Variants in LRRC42 observed in about 807,000 individuals in gnomAD.
LRRC42 encodes leucine rich repeat containing 42, also known as leucine-rich repeat-containing protein 42.
Under a neutral mutation model 44.3 loss-of-function variants are expected in LRRC42, and 43 were observed. That is an observed-to-expected ratio of 0.97 (90% confidence interval 0.76 to 1.25). The LOEUF (loss-of-function observed/expected upper bound fraction) is 1.25, where lower values mean the gene tolerates loss of function less well. Ranked by LOEUF, LRRC42 falls within the 50% of genes most tolerant of loss-of-function variation. The probability of loss-of-function intolerance (pLI) is 0.00; values close to 1 mark genes in which losing one functional copy is unlikely to be tolerated. For missense variants in LRRC42, 540 were observed against 509.1 expected, an observed-to-expected ratio of 1.06 and a Z score of -0.58; for synonymous variants, 207 against 195.2, an observed-to-expected ratio of 1.06 and a Z score of -0.50.
chr1:53,962,390 C>CAG lies in LRRC42; in HGVS notation c.911_912dup (p.Gly305ArgfsTer14). ...GAATTTGATCATAGTAACTGCAAGA[C>CAG]AGAGGGCTGGGCTGACCAGGTACTC... On this transcript the variant is annotated frameshift_variant, in exon 7 of 9. Coordinates refer to ENST00000371370, the MANE Select transcript of LRRC42 (RefSeq NM_001256409.2). LOFTEE classifies it high-confidence loss of function. The CAG allele has an allele frequency of 6.2e-7, 1 of 1,612,862 alleles. No individual in the cohort carries two copies. The highest frequency in any genetic ancestry group is 8.5e-7 in the Non-Finnish European group (1 of 1,178,808).
chr1:53,963,707 C>T (rs1294829036), intron 7 of LRRC42, among the ~76,000 whole-genome samples: 1 of 152,166 alleles, frequency 6.6e-6, no homozygotes, highest in African/African-American at 2.4e-5. Flanking sequence ...GAAACTGTTT[C>T]AGGCTGATTC....
chr1:53,957,539 G>A (rs1654873143), intron 3 of LRRC42, among the ~76,000 whole-genome samples: 1 of 152,210 alleles, frequency 6.6e-6, no homozygotes, highest in Non-Finnish European at 1.5e-5. Context: ...CGTGCTCAGG[G>A]TTTGTCTTAA....
At chr1:53,966,217 A>C (rs1019737480) in intron 7 of LRRC42, 79 bp from the exon 8 acceptor site, 8 of 1,159,368 alleles carry the variant, frequency 6.9e-6, no homozygotes, top group African/African-American at 3.1e-5. Flanking sequence ...ATGGAGAGGG[A>C]AAAAGGGGGA....
At chr1:53,949,652 T>A (rs1175516505) in intron 2 of LRRC42, among the ~76,000 whole-genome samples, 1 of 152,214 alleles carries the variant, frequency 6.6e-6, no homozygotes, top group Non-Finnish European at 1.5e-5. Context: ...GGTGTCTCCT[T>A]AGCAGCAGGG....
At chr1:53,953,135 A>G (rs939681270) in intron 3 of LRRC42, among the ~76,000 whole-genome samples, 8 of 152,276 alleles carry the variant, frequency 5.3e-5, no homozygotes, top group Non-Finnish European at 8.8e-5. Flanking sequence ...AAAGTGGCAT[A>G]AAATGAAACA....
intron 4 of LRRC42, 75 bp downstream of exon 4, chr1:53,958,355 A>C (rs1349254301): frequency 6.4e-7 from 1 of 1,558,104 alleles, no homozygotes; most frequent in Non-Finnish European, 8.8e-7. Context: ...GATTATCTTC[A>C]GGAATGCTGA....
chr1:53,966,244 A>G, intron 7 of LRRC42, 52 bp from the exon 8 acceptor site: 1 of 1,445,824 alleles, frequency 6.9e-7, no homozygotes, highest in Non-Finnish European at 9.7e-7. Flanking sequence ...AAGGCTTGAG[A>G]TTAAAATCTC....
At chr1:53,958,421 C>T (rs1244178908) in intron 4 of LRRC42, 141 bp downstream of exon 4, 6 of 1,104,006 alleles carry the variant, frequency 5.4e-6, no homozygotes, top group African/African-American at 4.7e-5. Context: ...TTTCAATCTC[C>T]ATTTACTTGG....
intron 8 of LRRC42, among the ~76,000 whole-genome samples, chr1:53,966,902 G>A (rs1252916489): frequency 6.6e-6 from 1 of 152,006 alleles, no homozygotes; most frequent in East Asian, 1.9e-4. Context: ...CGTAGAGCAA[G>A]CAGAATGGTG....
intron 4 of LRRC42, among the ~76,000 whole-genome samples, chr1:53,959,619 T>G (rs1395698852): frequency 6.6e-6 from 1 of 152,256 alleles, no homozygotes; most frequent in Non-Finnish European, 1.5e-5. Flanking sequence ...TGGGTATACC[T>G]TATTAACCCA....
rs1654712589 is a variant in LRRC42, at chr1:53,952,318, C to T, written c.319C>T (p.Leu107Phe). 1.2e-6 allele frequency: 2 copies of T among 1,614,080 alleles called. No individual in the cohort carries two copies. The highest frequency in any genetic ancestry group is 1.1e-5 in the South Asian group (1 of 91,082). Residue 107 changes from leucine (L) to phenylalanine (F), a missense_variant, in exon 3 of 9, where the codon CTT becomes TTT. Transcript: ENST00000371370. ...ISDNVDHIDS[L>F]IGFPEQIAEK... ...CGACAATGTGGATCACATTGATTCC[C>T]TTATTGGCTTTCCTGAGCAGATTGC... is the stretch of plus-strand genomic sequence containing the variant.
At chr1:53,946,860 G>A (rs1024536368) in intron 1 of LRRC42, among the ~76,000 whole-genome samples, 3 of 150,684 alleles carry the variant, frequency 2.0e-5, no homozygotes, top group Admixed American at 2.0e-4. Context: ...GAAGGGGGAA[G>A]GGAATGGGAT....
chr1:53,947,056 G>A (rs1654506283), intron 1 of LRRC42, among the ~76,000 whole-genome samples: 1 of 151,400 alleles, frequency 6.6e-6, no homozygotes, highest in South Asian at 2.1e-4. Context: ...CTAGGAGAGG[G>A]AAGCCCCTAG....
At chr1:53,959,701 G>T (rs1174439654) in intron 4 of LRRC42, among the ~76,000 whole-genome samples, 2 of 152,208 alleles carry the variant, frequency 1.3e-5, no homozygotes, top group East Asian at 1.9e-4. Flanking sequence ...AATTCTCATA[G>T]GAGTTCTTTA....
intron 3 of LRRC42, 40 bp downstream of exon 3, chr1:53,952,512 G>T: frequency 6.6e-7 from 1 of 1,519,314 alleles, no homozygotes; most frequent in Non-Finnish European, 8.9e-7. Context: ...TTTATTGGGT[G>T]TGTTAATTCT....
intron 1 of LRRC42, 102 bp from the exon 2 acceptor site, chr1:53,947,686 T>A (rs1488275483): frequency 2.0e-5 from 3 of 152,214 alleles, no homozygotes; most frequent in Non-Finnish European, 4.4e-5. Context: ...GAGGCCTCGT[T>A]GTAAATGTCC....
intron 3 of LRRC42, among the ~76,000 whole-genome samples, chr1:53,956,306 T>A (rs1439312268): frequency 1.3e-5 from 2 of 152,220 alleles, no homozygotes; most frequent in Non-Finnish European, 2.9e-5. Flanking sequence ...CCCCAGTGAT[T>A]TTTAATCCCA....
chr1:53,966,163 T>C lies in LRRC42; in HGVS notation c.928-133T>C, dbSNP rs544128647. The C allele has an allele frequency of 5.3e-5, 35 of 655,132 alleles. No homozygotes were observed. The South Asian group carries it at 6.1e-4, about 11-fold the overall frequency. The allele number at this position is 655,132 out of a possible 1,614,324, so 40.6% of individuals were successfully genotyped here. A position where few individuals can be genotyped will look rare whatever the true frequency, so the allele number is the denominator to read the frequency against. ...AGACTTGACTTGGTTCTTATTCTTATCACCAGTCATCTGAAGTTAAATTTA... is the reference window on the plus strand; with the variant it reads ...AGACTTGACTTGGTTCTTATTCTTACCACCAGTCATCTGAAGTTAAATTTA... On this transcript the variant is annotated intron_variant, in intron 7 of 8. Transcript: ENST00000371370.
intron 8 of LRRC42, 116 bp from the exon 9 acceptor site, chr1:53,967,549 C>G: frequency 3.0e-6 from 3 of 991,886 alleles, no homozygotes. Flanking sequence ...AAAATGCAAT[C>G]AATGCAGATA....
Sources: gnomAD v4.1 joint callset for allele counts (sites outside exome capture counted in the v4.1 genomes callset) on GRCh38, gnomAD v4.1.1 for gene constraint, MANE v1.5 for transcripts, NCBI Gene and HGNC (gene_info 2026-07-23, HGNC 2026-07-21) for gene names.